MCM3AP: variants seen among roughly 807,000 people sequenced by gnomAD.
The protein encoded by MCM3AP is germinal-center associated nuclear protein.
In MCM3AP, 126 loss-of-function variants were observed where a neutral mutation model predicts 184.1. The observed-to-expected ratio is 0.68, with a 90% confidence interval of 0.59 to 0.79. The LOEUF is 0.79. Among genes scored for constraint, MCM3AP ranks in the 30% least tolerant of loss-of-function variants. The probability of loss-of-function intolerance (pLI) is 0.00; values close to 1 mark genes in which losing one functional copy is unlikely to be tolerated. For missense variants in MCM3AP, 2,496 were observed against 2,479.2 expected (o/e 1.01, Z -0.14); for synonymous variants, 1,002 against 979.3 (o/e 1.02, Z -0.43).
intron 12 of MCM3AP, 54 bp downstream of exon 12, chr21:46,265,266 CG>C: frequency 6.5e-7 from 1 of 1,543,866 alleles, no homozygotes; most frequent in Non-Finnish European, 8.9e-7. Context: ...TGACTAAGGA[CG>C]TTTGCGCACA....
At chr21:46,272,961 G>C in intron 7 of MCM3AP, 132 bp from the exon 8 acceptor site, 1 of 871,134 alleles carries the variant, frequency 1.1e-6, no homozygotes, top group East Asian at 2.7e-5. Flanking sequence ...ATTTTAATAG[G>C]ACTTTGTAGT....
chr21:46,262,610 T>A (rs115908421), intron 13 of MCM3AP, among the ~76,000 whole-genome samples: 15 of 151,516 alleles, frequency 9.9e-5, no homozygotes, highest in African/African-American at 3.4e-4. Flanking sequence ...ATTGTGCTTC[T>A]GCACTCGGGT....
chr21:46,279,950 C>T lies in MCM3AP; in HGVS notation c.1667+43G>A, dbSNP rs759281245. 5.1e-6 allele frequency: 8 copies of T among 1,580,408 alleles called. No homozygotes were observed. In the East Asian group the frequency reaches 1.8e-4, roughly 36 times the overall value. On this transcript the variant is annotated intron_variant, in intron 4 of 27. Coordinates refer to ENST00000291688, the MANE Select transcript of MCM3AP (RefSeq NM_003906.5). Reference sequence around the variant, plus strand: ...AGGTGTCGCTATAGGGCGCTATTTCCTGGTCCTTCCGGAATAAGGTCATTA... The same window carrying T: ...AGGTGTCGCTATAGGGCGCTATTTCTTGGTCCTTCCGGAATAAGGTCATTA...
intron 8 of MCM3AP, among the ~76,000 whole-genome samples, 159 bp downstream of exon 8, chr21:46,272,402 C>T (rs917673196): frequency 7.9e-5 from 12 of 152,318 alleles, no homozygotes; most frequent in Admixed American, 5.2e-4. Flanking sequence ...TCAGCTCAGC[C>T]GACTGCAAAG....
At position 46,285,188 on chromosome 21, in the gene MCM3AP, A is replaced by G. The variant is rs772368808; in HGVS notation, c.99T>C (p.Phe33=). 1.5e-5 allele frequency: 25 copies of G among 1,614,282 alleles called. No individual in the cohort carries two copies. In the South Asian group the frequency reaches 2.5e-4, roughly 16 times the overall value. The change falls in exon 1 of 28, where the codon TTT becomes TTC. Residue 33 remains phenylalanine, a synonymous_variant. Transcript: ENST00000291688. ...TTTGTCCAAAAAGAGAAGGTTGACC[A>G]AATCGAAATGGCGGCTTAGATGGAA... is the stretch of plus-strand genomic sequence containing the variant. ...GTLPSKPPFR[F]GQPSLFGQNS...
chr21:46,251,139 A>C (rs986792487), intron 20 of MCM3AP: 22 of 156,270 alleles, frequency 1.4e-4, no homozygotes, highest in Non-Finnish European at 2.8e-4. Flanking sequence ...TTGTAATCCC[A>C]GGAAAAGGGA....
At chr21:46,279,072 A>C (rs997269469) in intron 4 of MCM3AP, among the ~76,000 whole-genome samples, 1 of 151,218 alleles carries the variant, frequency 6.6e-6, no homozygotes, top group South Asian at 2.1e-4. Context: ...ATGCATCTCT[A>C]GTCAGGAGTT....
intron 2 of MCM3AP, among the ~76,000 whole-genome samples, chr21:46,280,812 C>G: frequency 6.7e-6 from 1 of 148,524 alleles, no homozygotes; most frequent in East Asian, 2.0e-4. Context: ...CTCTTTCCCC[C>G]TTTTTTTTTT....
chr21:46,265,031 CAG>C (rs2081091655), intron 12 of MCM3AP, among the ~76,000 whole-genome samples: 1 of 152,264 alleles, frequency 6.6e-6, no homozygotes. Flanking sequence ...TCACACCCAT[CAG>C]GGGGCGCACA....
chr21:46,285,352 C>T lies in MCM3AP; in HGVS notation c.-66G>A. On this transcript the variant is annotated 5_prime_UTR_variant, in exon 1 of 28. Coordinates refer to ENST00000291688, the MANE Select transcript of MCM3AP (RefSeq NM_003906.5). The stretch of plus-strand genomic sequence containing the variant: ...TACAAAATTAATTGGCTTCCTGAAA[C>T]AGCCTGTAGCACTAGGGAGTTCCCC... The T allele has an allele frequency of 1.9e-6, 2 of 1,068,970 alleles. No homozygotes were observed. Among genetic ancestry groups the T allele is most frequent in the Non-Finnish European group, 2.8e-6 (2 of 708,668 alleles). 66.2% of individuals were successfully genotyped at this position (1,068,970 alleles called of 1,614,324 possible). A position where few individuals can be genotyped will look rare whatever the true frequency, so the allele number is the denominator to read the frequency against.
chr21:46,273,901 A>G (rs2081221383), intron 6 of MCM3AP, among the ~76,000 whole-genome samples: 1 of 152,242 alleles, frequency 6.6e-6, no homozygotes, highest in Admixed American at 6.5e-5. Context: ...TCAAGCACTT[A>G]AAAGGTCTCA....
chr21:46,248,616 GA>G (rs61450735), intron 20 of MCM3AP, among the ~76,000 whole-genome samples: 196 of 127,966 alleles, frequency 1.5e-3, no homozygotes, highest in African/African-American at 2.7e-3. Flanking sequence ...TAACAGAGAG[GA>G]AAAAAAAAAA....
At chr21:46,251,734 T>C (rs541259374) in intron 19 of MCM3AP, 52 bp from the exon 20 acceptor site, 2 of 1,155,530 alleles carry the variant, frequency 1.7e-6, no homozygotes, top group Non-Finnish European at 2.5e-6. Context: ...AGAATCTAAT[T>C]CTATATTTGA....
intron 14 of MCM3AP, 37 bp downstream of exon 14, chr21:46,261,243 A>C (rs753335591): frequency 6.2e-7 from 1 of 1,611,502 alleles, no homozygotes; most frequent in East Asian, 2.2e-5. Flanking sequence ...GTCCACACTG[A>C]GCTCCTTATT....
In MCM3AP at chr21:46,277,458, C is replaced by T; in HGVS notation, c.1858+69G>A. ...TAGAGCCCAATGGAAAGGAGTTGCT[C>T]CTGCCCTGATGGCACCCAAGATGAC... On this transcript the variant is annotated intron_variant, in intron 5 of 27. Coordinates refer to ENST00000291688, the MANE Select transcript of MCM3AP (RefSeq NM_003906.5). 5.4e-6 allele frequency: 7 copies of T among 1,307,160 alleles called. No homozygotes were observed. In the South Asian group the frequency reaches 6.4e-5, roughly 12 times the overall value. 81.0% of individuals were successfully genotyped at this position (1,307,160 alleles called of 1,614,324 possible).
chr21:46,267,120 G>A lies in MCM3AP; in HGVS notation c.2651C>T (p.Ala884Val), dbSNP rs758882933. 24 of 1,613,660 alleles carry A rather than the reference G, an allele frequency of 1.5e-5. No homozygotes were observed. The highest frequency in any genetic ancestry group is 1.3e-4 in the Admixed American group (8 of 59,970). Residue 884 changes from alanine (A) to valine (V), a missense_variant, in exon 10 of 28, where the codon GCG becomes GTG. Transcript: ENST00000291688. ...GCTCACCGTGTACGCAAAGTTGAGC[G>A]CCCGGAGAGCATCCTTGCGGATCTG... is the stretch of plus-strand genomic sequence containing the variant. ...FSQIRKDALRALNFAYTVSTQ... is the reference protein window; with the variant it reads ...FSQIRKDALRVLNFAYTVSTQ...
At chr21:46,265,774 G>A in intron 11 of MCM3AP, 151 bp downstream of exon 11, 1 of 1,006,452 alleles carries the variant, frequency 9.9e-7, no homozygotes, top group East Asian at 2.4e-5. Context: ...TGAGCATGAG[G>A]AAGAGCCACA....
At chr21:46,272,047 G>C (rs910363249) in intron 8 of MCM3AP, among the ~76,000 whole-genome samples, 4 of 151,872 alleles carry the variant, frequency 2.6e-5, no homozygotes, top group Admixed American at 6.6e-5. Context: ...CACAAGCAGA[G>C]GGCCAGAGAG....
chr21:46,281,956 C>G (rs2081339423), intron 2 of MCM3AP, among the ~76,000 whole-genome samples: 1 of 152,026 alleles, frequency 6.6e-6, no homozygotes, highest in African/African-American at 2.4e-5. Flanking sequence ...CAAGATTGCG[C>G]CACTACAATA....
Sources: allele counts gnomAD v4.1 joint callset (sites outside exome capture counted in the v4.1 genomes callset), GRCh38; gene constraint gnomAD v4.1.1; transcripts MANE v1.5; gene names NCBI Gene and HGNC (gene_info 2026-07-23, HGNC 2026-07-21).